The following PTK2 variants were observed in gnomAD, a reference collection of about 807,000 sequenced individuals.
The protein encoded by PTK2 is focal adhesion kinase 1.
A neutral mutation model predicts 150.1 loss-of-function variants in PTK2; 45 were observed. The ratio of observed to expected loss-of-function variants is 0.30; its 90% CI spans 0.24 to 0.38. The LOEUF (loss-of-function observed/expected upper bound fraction) is 0.38. Among genes scored for constraint, PTK2 ranks in the 10% least tolerant of loss-of-function variants. The pLI is 1.00. For synonymous variants in PTK2, 432 were observed against 449.2 expected, an observed-to-expected ratio of 0.96 and a Z score of 0.48; for missense variants, 919 against 1,307.3, an observed-to-expected ratio of 0.70 and a Z score of 4.58.
At chr8:140,879,777 A>T (rs113569960) in intron 3 of PTK2, 140 bp from the exon 4 acceptor site, 5 of 668,454 alleles carry the variant, frequency 7.5e-6, no homozygotes, top group African/African-American at 5.6e-5. Flanking sequence ...CTTTTAGTCA[A>T]TTATCAGAAA....
At chr8:140,865,878 G>A (rs1342643999) in intron 4 of PTK2, among the ~76,000 whole-genome samples, 7 of 152,040 alleles carry the variant, frequency 4.6e-5, no homozygotes, top group African/African-American at 1.4e-4. Flanking sequence ...CCGCCTCCCC[G>A]GGCTCAAGCG....
chr8:140,871,467 C>T (rs938158447), intron 4 of PTK2, among the ~76,000 whole-genome samples: 5 of 152,112 alleles, frequency 3.3e-5, no homozygotes, highest in Non-Finnish European at 7.3e-5. Flanking sequence ...CTATGACAAC[C>T]ATTAAAAGCA....
At chr8:140,886,922 G>A (rs549909625) in intron 3 of PTK2, among the ~76,000 whole-genome samples, 1 of 152,258 alleles carries the variant, frequency 6.6e-6, no homozygotes, top group African/African-American at 2.4e-5. Flanking sequence ...TCACTGCCAT[G>A]TTTCTAGATG....
At chr8:140,731,729 T>C (rs1428492279) in intron 22 of PTK2, among the ~76,000 whole-genome samples, 7 of 152,084 alleles carry the variant, frequency 4.6e-5, no homozygotes, top group Admixed American at 4.6e-4. Context: ...ACCCCATCTC[T>C]ACCAAAAATA....
chr8:140,706,132 G>A (rs1274348811), exon 24 of PTK2: 2 of 1,608,954 alleles, frequency 1.2e-6, no homozygotes, highest in Non-Finnish European at 1.7e-6. Context: ...GTAATGATTG[G>A]TTTGTACCAT....
chr8:140,826,436 A>T (rs1187488898), intron 8 of PTK2, among the ~76,000 whole-genome samples: 1 of 152,174 alleles, frequency 6.6e-6, no homozygotes, highest in African/African-American at 2.4e-5. Context: ...CCAAATACAC[A>T]CTATTGGGTA....
intron 1 of PTK2, among the ~76,000 whole-genome samples, chr8:140,962,609 T>A (rs1331432689): frequency 6.6e-6 from 1 of 151,826 alleles, no homozygotes; most frequent in Non-Finnish European, 1.5e-5. Context: ...CCATCCTGGC[T>A]AACACAGTGA....
At chr8:140,948,587 C>T (rs2100178473) in intron 1 of PTK2, 1 of 122,562 alleles carries the variant, frequency 8.2e-6, no homozygotes, top group African/African-American at 2.6e-5. Context: ...CATAAATAAG[C>T]TAAACCTTTA....
intron 27 of PTK2, chr8:140,675,715 A>G: frequency 1.9e-6 from 1 of 519,336 alleles, no homozygotes; most frequent in South Asian, 2.5e-5. Context: ...GGGCTGTGAG[A>G]GAAGCAAGCA....
intron 3 of PTK2, 75 bp from the exon 4 acceptor site, chr8:140,879,712 A>AC: frequency 8.7e-7 from 1 of 1,145,430 alleles, no homozygotes; most frequent in Non-Finnish European, 1.1e-6. Context: ...CCAAAACAAA[A>AC]CAAAAACAAA....
chr8:140,972,080 TCTC>T (rs952716273), intron 1 of PTK2, among the ~76,000 whole-genome samples: 2 of 152,166 alleles, frequency 1.3e-5, no homozygotes, highest in African/African-American at 2.4e-5. Flanking sequence ...ATATGTAAAA[TCTC>T]CTTGCAGATT....
chr8:140,874,542 G>T (rs1013968032), intron 4 of PTK2, among the ~76,000 whole-genome samples: 1 of 152,128 alleles, frequency 6.6e-6, no homozygotes, highest in African/African-American at 2.4e-5. Context: ...TAATACAGGA[G>T]TAGAGAAGAA....
chr8:140,958,487 TAA>T (rs1569483763), intron 1 of PTK2, among the ~76,000 whole-genome samples: 1 of 152,128 alleles, frequency 6.6e-6, no homozygotes, highest in Non-Finnish European at 1.5e-5. Context: ...TAATGTAGCA[TAA>T]CTCATCGATT....
At chr8:140,904,598 T>C (rs2100160092) in intron 2 of PTK2, among the ~76,000 whole-genome samples, 1 of 152,240 alleles carries the variant, frequency 6.6e-6, no homozygotes, top group Admixed American at 6.5e-5. Context: ...GTACCTCTGG[T>C]AGAATTCAGC....
At chr8:140,739,133 A>G in intron 20 of PTK2, 26 bp from the exon 24 acceptor site, 4 of 1,465,058 alleles carry the variant, frequency 2.7e-6, no homozygotes, top group Non-Finnish European at 3.7e-6. Context: ...TAGAAAATAA[A>G]TTTTCCTTGT....
intron 19 of PTK2, among the ~76,000 whole-genome samples, chr8:140,743,913 G>T (rs956557824): frequency 6.6e-5 from 10 of 151,720 alleles, no homozygotes; most frequent in Non-Finnish European, 1.3e-4. Context: ...GAGTAGCTGG[G>T]ACTACAGGCG....
intron 10 of PTK2, among the ~76,000 whole-genome samples, chr8:140,809,925 G>A (rs1393933799): frequency 6.6e-6 from 1 of 152,188 alleles, no homozygotes; most frequent in African/African-American, 2.4e-5. Flanking sequence ...ATTCCAATTT[G>A]AATTAAAATA....
At chr8:140,762,436 T>C in intron 15 of PTK2, 48 bp from the exon 18 acceptor site, 1 of 1,013,036 alleles carries the variant, frequency 9.9e-7, no homozygotes, top group African/African-American at 1.8e-5. Context: ...TGCTTAGAAA[T>C]AACTAACAGC....
intron 20 of PTK2, among the ~76,000 whole-genome samples, chr8:140,740,553 T>C (rs1053472633): frequency 2.0e-5 from 3 of 152,190 alleles, no homozygotes; most frequent in African/African-American, 7.2e-5. Flanking sequence ...TGTACTTATT[T>C]CTATAGCCTA....
Sources: gnomAD v4.1 joint callset for allele counts (sites outside exome capture counted in the v4.1 genomes callset) on GRCh38, gnomAD v4.1.1 for gene constraint, MANE v1.5 for transcripts, NCBI Gene and HGNC (gene_info 2026-07-23, HGNC 2026-07-21) for gene names.